Variants in UBE2D2 observed in about 807,000 individuals in gnomAD.
The protein encoded by UBE2D2 is ubiquitin conjugating enzyme E2 D2.
In UBE2D2, 2 loss-of-function variants were observed where a neutral mutation model predicts 24.2. The ratio of observed to expected loss-of-function variants is 0.08; its 90% confidence interval spans 0.03 to 0.26. UBE2D2 has a LOEUF of 0.26. UBE2D2 is among the 10% of genes least tolerant of loss of function. The pLI is 1.00. For synonymous variants in UBE2D2, 58 were observed against 56.5 expected, an observed-to-expected ratio of 1.03 and a Z score of -0.12; for missense variants, 44 against 177.6, an observed-to-expected ratio of 0.25 and a Z score of 4.28.
intron 1 of UBE2D2, among the ~76,000 whole-genome samples, chr5:139,589,947 G>C (rs1270216896): frequency 6.6e-6 from 1 of 151,980 alleles, no homozygotes; most frequent in East Asian, 1.9e-4. Context: ...ACCACACCCG[G>C]CTAATTTTTT....
intron 2 of UBE2D2, among the ~76,000 whole-genome samples, chr5:139,606,989 A>G (rs998800295): frequency 6.6e-6 from 1 of 152,272 alleles, no homozygotes; most frequent in Non-Finnish European, 1.5e-5. Context: ...TATTTTTAGT[A>G]GAGACGGTAT....
intron 1 of UBE2D2, among the ~76,000 whole-genome samples, chr5:139,574,057 T>A (rs1264126735): frequency 6.6e-6 from 1 of 151,628 alleles, no homozygotes; most frequent in Non-Finnish European, 1.5e-5. Context: ...ATTTAATATA[T>A]AATAAGCTTC....
At chr5:139,593,380 T>C (rs1753887556) in intron 1 of UBE2D2, among the ~76,000 whole-genome samples, 1 of 152,164 alleles carries the variant, frequency 6.6e-6, no homozygotes, top group Non-Finnish European at 1.5e-5. Context: ...CTCAAGTCCT[T>C]ACCCTTGGGT....
chr5:139,575,171 A>T (rs542560041), intron 1 of UBE2D2, among the ~76,000 whole-genome samples: 1 of 152,320 alleles, frequency 6.6e-6, no homozygotes, highest in East Asian at 1.9e-4. Flanking sequence ...CTTCTGAAGT[A>T]TGTATTTCAG....
At chr5:139,624,529 T>C (rs1216796311) in intron 6 of UBE2D2, among the ~76,000 whole-genome samples, 1 of 152,254 alleles carries the variant, frequency 6.6e-6, no homozygotes, top group Non-Finnish European at 1.5e-5. Context: ...GGCTCACGCC[T>C]GTAACCCCAG....
intron 1 of UBE2D2, among the ~76,000 whole-genome samples, chr5:139,539,614 C>T (rs1017661479): frequency 2.6e-5 from 4 of 151,912 alleles, no homozygotes; most frequent in Non-Finnish European, 5.9e-5. Context: ...TTTTTTTAGA[C>T]GGGATCACCG....
intron 1 of UBE2D2, among the ~76,000 whole-genome samples, chr5:139,571,845 C>T (rs777134589): frequency 5.3e-5 from 8 of 150,514 alleles, no homozygotes; most frequent in South Asian, 2.1e-4. Flanking sequence ...TTTTGCTCTC[C>T]GGTAATTGTC....
chr5:139,557,171 T>G (rs1752991034), upstream of UBE2D2, among the ~76,000 whole-genome samples: 1 of 151,012 alleles, frequency 6.6e-6, no homozygotes, highest in Non-Finnish European at 1.5e-5. Context: ...TTTGCTCTTG[T>G]TGCCCAGGCT....
At chr5:139,603,545 C>A (rs1754127540) in intron 2 of UBE2D2, among the ~76,000 whole-genome samples, 1 of 140,782 alleles carries the variant, frequency 7.1e-6, no homozygotes, top group Admixed American at 7.7e-5. Flanking sequence ...ATCGTTGGAA[C>A]TGGGAGGCGG....
At chr5:139,575,136 T>C (rs1242160289) in intron 1 of UBE2D2, among the ~76,000 whole-genome samples, 1 of 152,178 alleles carries the variant, frequency 6.6e-6, no homozygotes, top group Non-Finnish European at 1.5e-5. Flanking sequence ...CACCCTCCCG[T>C]ACTTGCTCTG....
intron 1 of UBE2D2, among the ~76,000 whole-genome samples, chr5:139,595,000 C>T (rs1361636387): frequency 6.6e-6 from 1 of 152,092 alleles, no homozygotes; most frequent in Non-Finnish European, 1.5e-5. Context: ...AGTTGTTATG[C>T]TGTGGTGTTT....
At chr5:139,574,759 GAAAA>G (rs1427010111) in intron 1 of UBE2D2, among the ~76,000 whole-genome samples, 2 of 142,512 alleles carry the variant, frequency 1.4e-5, no homozygotes, top group Non-Finnish European at 3.1e-5. Flanking sequence ...AAAAAGAAAA[GAAAA>G]GGTGGAATTT....
At chr5:139,583,748 C>T (rs1436373993) in intron 1 of UBE2D2, among the ~76,000 whole-genome samples, 4 of 152,008 alleles carry the variant, frequency 2.6e-5, no homozygotes, top group East Asian at 3.9e-4. Flanking sequence ...GGCGACGGAG[C>T]GAGACTCCAT....
upstream of UBE2D2, among the ~76,000 whole-genome samples, chr5:139,559,769 G>T (rs1753033912): frequency 6.6e-6 from 1 of 152,174 alleles, no homozygotes; most frequent in African/African-American, 2.4e-5. Context: ...GTAGCGAAAA[G>T]GAGACATTTA....
chr5:139,582,978 T>C (rs202202364), intron 1 of UBE2D2, among the ~76,000 whole-genome samples: 2 of 118,254 alleles, frequency 1.7e-5, no homozygotes, highest in Middle Eastern at 4.5e-3. Context: ...CTTTTTTTTC[T>C]TTTTTTTTTT....
intron 1 of UBE2D2, among the ~76,000 whole-genome samples, chr5:139,548,163 C>CAAAAAAAAAAA (rs749269739): frequency 1.8e-4 from 6 of 32,952 alleles, no homozygotes; most frequent in South Asian, 1.1e-3. Flanking sequence ...GACTCCGTCT[C>CAAAAAAAAAAA]AAAAAAAAAA....
chr5:139,586,197 T>C (rs1236318240), intron 1 of UBE2D2, among the ~76,000 whole-genome samples: 1 of 152,010 alleles, frequency 6.6e-6, no homozygotes, highest in Non-Finnish European at 1.5e-5. Flanking sequence ...AGAATTTTTT[T>C]TTTTTTTTAA....
chr5:139,626,693 A>G, intron 6 of UBE2D2, 63 bp from the exon 7 acceptor site: 4 of 1,360,252 alleles, frequency 2.9e-6, no homozygotes, highest in Non-Finnish European at 4.2e-6. Flanking sequence ...GGGATAATGA[A>G]TGGAATCTGT....
At chr5:139,609,767 T>C (rs542646022) in intron 2 of UBE2D2, among the ~76,000 whole-genome samples, 23 of 150,966 alleles carry the variant, frequency 1.5e-4, no homozygotes, top group South Asian at 4.2e-4. Flanking sequence ...TTCTTTCTTT[T>C]TTTGTTTTTT....
Sources: allele counts gnomAD v4.1 joint callset (sites outside exome capture counted in the v4.1 genomes callset), GRCh38; gene constraint gnomAD v4.1.1; transcripts MANE v1.5; gene names NCBI Gene and HGNC (gene_info 2026-07-23, HGNC 2026-07-21).